The following CDH13 variants were observed in gnomAD, a reference collection of about 807,000 sequenced individuals.
CDH13 encodes the protein cadherin-13.
CDH13 carries 24 observed loss-of-function variants against 63.8 expected under a neutral mutation model. That is an observed-to-expected ratio of 0.38 (90% CI 0.27 to 0.53). CDH13 has a LOEUF of 0.53. CDH13 is among the 20% of genes least tolerant of loss of function. CDH13 has a pLI of 0.85. For missense variants in CDH13, 1,049 were observed against 903.1 expected, an observed-to-expected ratio of 1.16 and a Z score of -2.07; for synonymous variants, 503 against 355.3, an observed-to-expected ratio of 1.42 and a Z score of -4.67.
chr16:83,607,473 A>G (rs1368098034), intron 8 of CDH13, among the ~76,000 whole-genome samples: 1 of 152,208 alleles, frequency 6.6e-6, no homozygotes, highest in African/African-American at 2.4e-5. Context: ...GTGTTCATTT[A>G]CAATGACTAT....
chr16:82,780,173 A>G (rs965283016), intron 1 of CDH13, among the ~76,000 whole-genome samples: 2 of 152,116 alleles, frequency 1.3e-5, no homozygotes, highest in African/African-American at 4.8e-5. Context: ...GGGAAAGGTC[A>G]GGACTATATA....
intron 6 of CDH13, among the ~76,000 whole-genome samples, chr16:83,438,058 G>A (rs1031228799): frequency 2.0e-5 from 3 of 152,076 alleles, no homozygotes; most frequent in Non-Finnish European, 4.4e-5. Context: ...TGCTAGAGTG[G>A]ACTCTAAAGC....
intron 3 of CDH13, among the ~76,000 whole-genome samples, chr16:83,080,292 C>G (rs2033144243): frequency 6.6e-6 from 1 of 152,110 alleles, no homozygotes; most frequent in African/African-American, 2.4e-5. Context: ...TTCGCTGAGA[C>G]TAGGAATTCA....
intron 6 of CDH13, among the ~76,000 whole-genome samples, chr16:83,358,240 T>C (rs938883586): frequency 1.3e-5 from 2 of 152,144 alleles, no homozygotes; most frequent in Non-Finnish European, 2.9e-5. Flanking sequence ...TATGTTAGAC[T>C]TCTAGGATGG....
At chr16:83,434,546 A>T (rs1237973109) in intron 6 of CDH13, among the ~76,000 whole-genome samples, 1 of 151,954 alleles carries the variant, frequency 6.6e-6, no homozygotes, top group East Asian at 1.9e-4. Context: ...TCTAACCTAG[A>T]GTCCCTCCTC....
At chr16:83,787,228 G>A (rs528138697) in intron 13 of CDH13, among the ~76,000 whole-genome samples, 4 of 152,162 alleles carry the variant, frequency 2.6e-5, no homozygotes, top group Non-Finnish European at 4.4e-5. Flanking sequence ...CTAATTCAGC[G>A]TTCAGCAAAC....
intron 7 of CDH13, among the ~76,000 whole-genome samples, chr16:83,566,343 G>A (rs1662224049): frequency 6.6e-6 from 1 of 152,158 alleles, no homozygotes; most frequent in Non-Finnish European, 1.5e-5. Context: ...CCCAACATGG[G>A]GCAGGGGTGG....
intron 5 of CDH13, among the ~76,000 whole-genome samples, chr16:83,288,904 A>G (rs936147123): frequency 6.6e-6 from 1 of 152,222 alleles, no homozygotes; most frequent in African/African-American, 2.4e-5. Flanking sequence ...CCTTTTGAAC[A>G]TTCGCCTGGA....
intron 7 of CDH13, 45 bp from the exon 8 acceptor site, chr16:83,602,409 C>T: frequency 2.5e-6 from 4 of 1,611,246 alleles, no homozygotes; most frequent in Non-Finnish European, 3.4e-6. Flanking sequence ...AAGCAGTAAC[C>T]CAAATCTAAA....
intron 6 of CDH13, among the ~76,000 whole-genome samples, chr16:83,452,117 G>C (rs533254587): frequency 9.2e-5 from 14 of 152,264 alleles, no homozygotes; most frequent in African/African-American, 3.1e-4. Flanking sequence ...GATACATTTC[G>C]ATTCAAAGTT....
At chr16:83,181,987 T>C (rs905489199) in intron 4 of CDH13, among the ~76,000 whole-genome samples, 9 of 152,172 alleles carry the variant, frequency 5.9e-5, no homozygotes, top group Admixed American at 5.2e-4. Flanking sequence ...AGAAGCTGGA[T>C]TCCCCTCCAA....
chr16:83,503,981 C>G (rs547030313), intron 7 of CDH13, among the ~76,000 whole-genome samples: 76 of 152,122 alleles, frequency 5.0e-4, no homozygotes, highest in African/African-American at 1.7e-3. Flanking sequence ...GAAGGGACAG[C>G]ATTAGGACAG....
At chr16:83,440,474 A>G (rs2072448036) in intron 6 of CDH13, among the ~76,000 whole-genome samples, 1 of 152,124 alleles carries the variant, frequency 6.6e-6, no homozygotes, top group Admixed American at 6.5e-5. Context: ...CAAACGTGGC[A>G]GGTCACAGAA....
At chr16:83,183,476 A>C (rs1396164237) in intron 4 of CDH13, among the ~76,000 whole-genome samples, 1 of 152,236 alleles carries the variant, frequency 6.6e-6, no homozygotes, top group African/African-American at 2.4e-5. Flanking sequence ...ACACATGGGA[A>C]TTGGGTACGC....
chr16:83,651,032 T>G (rs1912325508), intron 8 of CDH13, among the ~76,000 whole-genome samples: 1 of 151,704 alleles, frequency 6.6e-6, no homozygotes. Flanking sequence ...GCCCGGGAGG[T>G]CAAGGCTGCA....
intron 2 of CDH13, among the ~76,000 whole-genome samples, chr16:82,923,743 T>G (rs1264063958): frequency 6.6e-6 from 1 of 152,238 alleles, no homozygotes; most frequent in East Asian, 1.9e-4. Context: ...AATATGTGCT[T>G]CTTTCCTCTT....
At chr16:83,296,810 G>T (rs949178268) in intron 5 of CDH13, among the ~76,000 whole-genome samples, 2 of 152,194 alleles carry the variant, frequency 1.3e-5, no homozygotes, top group Non-Finnish European at 2.9e-5. Flanking sequence ...AATAACACGG[G>T]TTTATGTAAT....
At chr16:82,653,802 T>G (rs1189350116) in intron 1 of CDH13, among the ~76,000 whole-genome samples, 3 of 152,136 alleles carry the variant, frequency 2.0e-5, no homozygotes, top group African/African-American at 4.8e-5. Context: ...TGCTTGTGCC[T>G]GCACCGGGGC....
chr16:82,674,470 T>G (rs559524117), intron 1 of CDH13, among the ~76,000 whole-genome samples: 28 of 152,360 alleles, frequency 1.8e-4, no homozygotes, highest in African/African-American at 6.7e-4. Flanking sequence ...CTTTTCATTC[T>G]GTCTCCATGA....
Sources: gnomAD v4.1 joint callset for allele counts (sites outside exome capture counted in the v4.1 genomes callset) on GRCh38, gnomAD v4.1.1 for gene constraint, MANE v1.5 for transcripts, NCBI Gene and HGNC (gene_info 2026-07-23, HGNC 2026-07-21) for gene names.